Variants in EYS observed in about 807,000 individuals in gnomAD.
The protein encoded by EYS is EGF-like photoreceptor maintenance factor, also known as protein eyes shut homolog.
Under a neutral mutation model 282.1 loss-of-function variants are expected in EYS, and 250 were observed. The observed-to-expected ratio is 0.89, with a 90% CI of 0.80 to 0.98. The LOEUF is 0.98. Ranked by LOEUF, EYS falls within the 50% of genes least tolerant of loss-of-function variation. The pLI is 0.00. For missense variants in EYS, 4,016 were observed against 3,709.0 expected (o/e 1.08, Z -2.15); for synonymous variants, 1,355 against 1,282.9 (o/e 1.06, Z -1.20).
intron 12 of EYS, among the ~76,000 whole-genome samples, chr6:65,230,939 A>G (rs1178824985): frequency 1.3e-5 from 2 of 150,944 alleles, no homozygotes; most frequent in Non-Finnish European, 1.5e-5. Flanking sequence ...AAAAGTGAAT[A>G]TATATTTCAT....
chr6:64,590,764 T>C lies in EYS; in HGVS notation c.5103A>G (p.Leu1701=), dbSNP rs1231741405. 1 of 1,550,612 alleles carries C rather than the reference T, an allele frequency of 6.4e-7. No homozygotes were observed. The highest frequency in any genetic ancestry group is 1.2e-5 in the South Asian group (1 of 84,016). Residue 1701 remains leucine, a synonymous_variant, in exon 26 of 43, where the codon CTA becomes CTG. Coordinates refer to ENST00000503581, the MANE Select transcript of EYS (RefSeq NM_001142800.2). ...ELSVSENILK[L]LKIRQYGITM... is the part of the protein sequence containing the mutation. ...TTATGCCATATTGTCTTATTTTCAA[T>C]AGTTTTAAAATGTTTTCTGATACTG...
chr6:64,167,978 ATAGGCCAGGCG>A (rs1175153036), intron 31 of EYS, among the ~76,000 whole-genome samples: 2 of 152,178 alleles, frequency 1.3e-5, no homozygotes, highest in Non-Finnish European at 2.9e-5. Context: ...AAACCAGACA[ATAGGCCAGGCG>A]CAGTGGCTCA....
intron 33 of EYS, among the ~76,000 whole-genome samples, chr6:64,062,884 T>C (rs1326979921): frequency 6.6e-6 from 1 of 152,072 alleles, no homozygotes; most frequent in Non-Finnish European, 1.5e-5. Flanking sequence ...CTTCAAAGAG[T>C]TGTATATACA....
intron 26 of EYS, among the ~76,000 whole-genome samples, chr6:64,467,047 C>T (rs1204001177): frequency 5.3e-5 from 8 of 152,074 alleles, no homozygotes; most frequent in Non-Finnish European, 2.9e-5. Context: ...CTTCAATAGT[C>T]TAATAAGAAT....
chr6:64,033,502 C>T (rs892548530), intron 33 of EYS, among the ~76,000 whole-genome samples: 2 of 152,010 alleles, frequency 1.3e-5, no homozygotes, highest in Non-Finnish European at 2.9e-5. Flanking sequence ...TCTAAGCACG[C>T]AATAGTAACT....
chr6:64,639,275 C>A (rs529545933), intron 22 of EYS, among the ~76,000 whole-genome samples: 1 of 91,008 alleles, frequency 1.1e-5, no homozygotes, highest in South Asian at 4.5e-4. Context: ...CAGTCACAAC[C>A]TTAAAGCAGG....
At chr6:64,890,050 C>T (rs936128883) in intron 18 of EYS, among the ~76,000 whole-genome samples, 1 of 149,476 alleles carries the variant, frequency 6.7e-6, no homozygotes, top group Non-Finnish European at 1.5e-5. Context: ...TAAATGCCCC[C>T]CCCCCCCAAG....
intron 22 of EYS, among the ~76,000 whole-genome samples, chr6:64,653,012 T>C (rs567263115): frequency 6.6e-6 from 1 of 152,182 alleles, no homozygotes; most frequent in South Asian, 2.1e-4. Flanking sequence ...TACCCCCGTA[T>C]GTAACGTTAT....
chr6:64,917,925 T>C (rs1408706561), intron 15 of EYS, among the ~76,000 whole-genome samples: 1 of 152,160 alleles, frequency 6.6e-6, no homozygotes, highest in Non-Finnish European at 1.5e-5. Flanking sequence ...TGACCGTTAA[T>C]AATAAAATAG....
intron 31 of EYS, among the ~76,000 whole-genome samples, chr6:64,173,171 CAT>C (rs1424754328): frequency 6.6e-6 from 1 of 152,084 alleles, no homozygotes; most frequent in Non-Finnish European, 1.5e-5. Context: ...GCAGCTAACT[CAT>C]AAAGATACAG....
At chr6:65,705,347 G>T (rs1265250334) in intron 1 of EYS, among the ~76,000 whole-genome samples, 1 of 152,148 alleles carries the variant, frequency 6.6e-6, no homozygotes, top group South Asian at 2.1e-4. Flanking sequence ...CTCAGGGCTT[G>T]TTGGCCACCC....
chr6:63,847,010 T>C (rs942434872), intron 36 of EYS, among the ~76,000 whole-genome samples: 8 of 152,096 alleles, frequency 5.3e-5, no homozygotes, highest in African/African-American at 1.9e-4. Flanking sequence ...CCTAGGAAAA[T>C]AAAGACTCAC....
intron 31 of EYS, among the ~76,000 whole-genome samples, chr6:64,220,351 G>T (rs1167279979): frequency 6.6e-6 from 1 of 152,108 alleles, no homozygotes; most frequent in African/African-American, 2.4e-5. Context: ...AATATGAATA[G>T]TTATAGTTTA....
chr6:65,361,179 G>A (rs1207464797), intron 8 of EYS, among the ~76,000 whole-genome samples: 1 of 151,956 alleles, frequency 6.6e-6, no homozygotes, highest in Non-Finnish European at 1.5e-5. Context: ...CATGAACACA[G>A]GAAGGGGAAC....
At position 64,570,555 on chromosome 6, in the gene EYS, G is replaced by A. The variant is rs534790591; in HGVS notation, c.5644+19668C>T. ...GCGGTATTCAGGAGAACTGTCTCAC[G>A]TGTATAGGCTCAAAATAAAGAGATG... On this transcript the variant is annotated intron_variant, in intron 26 of 42. Transcript: ENST00000503581. 8.0e-5 allele frequency among the ~76,000 whole-genome samples: 12 copies of A among 150,682 alleles called. No homozygotes were observed. The South Asian group carries it at 2.3e-3, about 29-fold the overall frequency.
intron 12 of EYS, among the ~76,000 whole-genome samples, chr6:65,156,800 T>A (rs1338538864): frequency 6.6e-6 from 1 of 151,016 alleles, no homozygotes; most frequent in Non-Finnish European, 1.5e-5. Context: ...AACATCTTCA[T>A]CAGTCTTTCC....
In EYS at chr6:65,623,774, G is replaced by A. The variant is rs555033094; in HGVS notation, c.-333+16004C>T. ...AGATGATGTCTAACATGCAGTAGAC[G>A]TCCAGTGAGTCACAAATGGTGCATA... On this transcript the variant is annotated intron_variant, in intron 2 of 42. Coordinates refer to ENST00000503581, the MANE Select transcript of EYS (RefSeq NM_001142800.2). 4.3e-4 allele frequency among the ~76,000 whole-genome samples: 66 copies of A among 152,258 alleles called. 1 individual carries two copies. The highest frequency in any genetic ancestry group is 3.4e-3 in the Middle Eastern group (1 of 294).
intron 40 of EYS, among the ~76,000 whole-genome samples, chr6:63,773,697 T>C (rs1769991265): frequency 6.6e-6 from 1 of 152,152 alleles, no homozygotes; most frequent in African/African-American, 2.4e-5. Context: ...AGGGAACAGG[T>C]CACTAGTTGG....
intron 28 of EYS, among the ~76,000 whole-genome samples, chr6:64,414,181 C>G (rs1387127748): frequency 6.6e-6 from 1 of 151,976 alleles, no homozygotes; most frequent in Non-Finnish European, 1.5e-5. Context: ...AGAGAAGAAA[C>G]CTTAAAAGTT....
Sources: allele counts gnomAD v4.1 joint callset (sites outside exome capture counted in the v4.1 genomes callset), GRCh38; gene constraint gnomAD v4.1.1; transcripts MANE v1.5; gene names NCBI Gene and HGNC (gene_info 2026-07-23, HGNC 2026-07-21).